PLA2G5: variants seen among roughly 807,000 people sequenced by gnomAD.
PLA2G5 encodes the protein Ca2+-dependent phospholipase A2.
In PLA2G5, 12 loss-of-function variants were observed where a neutral mutation model predicts 15.9. That is an observed-to-expected ratio of 0.76 (90% CI 0.48 to 1.23). The LOEUF (loss-of-function observed/expected upper bound fraction) is 1.23, where lower values mean the gene tolerates loss of function less well. Among genes scored for constraint, PLA2G5 ranks in the 50% most tolerant of loss-of-function variants. The pLI is 0.00. For synonymous variants in PLA2G5, 71 were observed against 71.4 expected (o/e 0.99, Z 0.03); for missense variants, 169 against 177.1 (o/e 0.95, Z 0.26).
chr1:20,074,177 T>C (rs933953768), intron 1 of PLA2G5, among the ~76,000 whole-genome samples: 1 of 152,112 alleles, frequency 6.6e-6, no homozygotes, highest in Admixed American at 6.5e-5. Context: ...ATGCAAAAGC[T>C]GTTGTTGGAA....
chr1:20,068,625 A>G (rs2015178092), upstream of PLA2G5, among the ~76,000 whole-genome samples: 1 of 151,688 alleles, frequency 6.6e-6, no homozygotes, highest in Non-Finnish European at 1.5e-5. Flanking sequence ...CTAATTTTAT[A>G]TTTTTAGTAG....
At chr1:20,070,659 G>C (rs571827421) in intron 1 of PLA2G5, among the ~76,000 whole-genome samples, 194 bp downstream of exon 1, 1 of 152,152 alleles carries the variant, frequency 6.6e-6, no homozygotes, top group Non-Finnish European at 1.5e-5. Flanking sequence ...CCTGGAGAGC[G>C]GGCTTTTAAG....
At chr1:20,068,784 A>C (rs1407487166), upstream of PLA2G5, 2 of 375,434 alleles carry the variant, frequency 5.3e-6, no homozygotes, top group Non-Finnish European at 9.5e-6. Flanking sequence ...GCCATAAATA[A>C]AAGACAACTG....
intron 1 of PLA2G5, among the ~76,000 whole-genome samples, chr1:20,078,969 G>A (rs1028499481): frequency 6.6e-6 from 1 of 152,016 alleles, no homozygotes; most frequent in African/African-American, 2.4e-5. Flanking sequence ...AAATTAGCCA[G>A]GCATGGTGGT....
intron 2 of PLA2G5, 84 bp from the exon 3 acceptor site, chr1:20,085,999 G>A: frequency 7.0e-7 from 1 of 1,435,110 alleles, no homozygotes; most frequent in Non-Finnish European, 9.7e-7. Flanking sequence ...CTGGGTGGGA[G>A]AAAGGGTAGG....
chr1:20,086,264 G>C, intron 3 of PLA2G5, 37 bp downstream of exon 3: 1 of 1,602,450 alleles, frequency 6.2e-7, no homozygotes. Context: ...TAGGCTCCAG[G>C]CTCTGCACCC....
chr1:20,084,925 G>C, intron 2 of PLA2G5, 55 bp downstream of exon 2: 1 of 1,279,686 alleles, frequency 7.8e-7, no homozygotes, highest in South Asian at 1.2e-5. Context: ...GGAGTAACAG[G>C]GTGGTGAAAA....
At chr1:20,036,046 A>G (rs1371485701) in intron 1 of PLA2G5, among the ~76,000 whole-genome samples, 1 of 152,170 alleles carries the variant, frequency 6.6e-6, no homozygotes, top group African/African-American at 2.4e-5. Flanking sequence ...TGTTTTGTTT[A>G]AAGAGACTAA....
At chr1:20,031,930 G>T (rs2012972479) in intron 1 of PLA2G5, among the ~76,000 whole-genome samples, 3 of 152,090 alleles carry the variant, frequency 2.0e-5, no homozygotes, top group African/African-American at 7.2e-5. Flanking sequence ...TGTCTTATTA[G>T]ATGTTGAGTG....
At chr1:20,086,417 C>T (rs558244650) in intron 3 of PLA2G5, among the ~76,000 whole-genome samples, 190 bp downstream of exon 3, 50 of 152,286 alleles carry the variant, frequency 3.3e-4, no homozygotes, top group African/African-American at 1.2e-3. Flanking sequence ...TCAACTGTGG[C>T]GTAACAAGTG....
intron 1 of PLA2G5, among the ~76,000 whole-genome samples, chr1:20,031,800 T>C (rs889750054): frequency 3.3e-5 from 5 of 152,056 alleles, no homozygotes; most frequent in Admixed American, 3.3e-4. Context: ...ACCCATCCAC[T>C]TAGATTGGAG....
At chr1:20,081,122 C>T (rs897010900) in intron 1 of PLA2G5, among the ~76,000 whole-genome samples, 4 of 151,874 alleles carry the variant, frequency 2.6e-5, no homozygotes, top group Non-Finnish European at 5.9e-5. Context: ...ATGGGCTGTC[C>T]GTCTCTATTC....
rs11573261 is a variant in PLA2G5 at position 20,083,882 on chromosome 1, C to A, written c.-10-939C>A. On this transcript the variant is annotated intron_variant, in intron 1 of 4. Coordinates refer to ENST00000375108, the MANE Select transcript of PLA2G5 (RefSeq NM_000929.3). ...AATGAGAACAGTAATACCTACCCTG[C>A]AGCACTCTCGTGAGCCCCCAGGGTT... Among the ~76,000 whole-genome samples, 33 of 151,902 alleles carry A rather than the reference C, an allele frequency of 2.2e-4. 1 individual carries two copies. Among genetic ancestry groups the A allele is most frequent in the African/African-American group, 7.3e-4 (30 of 41,186 alleles).
At chr1:20,053,025 A>G (rs1001219533) in intron 1 of PLA2G5, among the ~76,000 whole-genome samples, 2 of 152,060 alleles carry the variant, frequency 1.3e-5, no homozygotes, top group Non-Finnish European at 2.9e-5. Context: ...ACCTATGTTG[A>G]TTGATGTCTT....
intron 1 of PLA2G5, among the ~76,000 whole-genome samples, chr1:20,082,018 C>T (rs1397970070): frequency 6.6e-6 from 1 of 151,588 alleles, no homozygotes; most frequent in East Asian, 1.9e-4. Flanking sequence ...TGCCACTGCA[C>T]TCCAGCCTGG....
chr1:20,058,265 T>C (rs1289001614), intron 1 of PLA2G5, among the ~76,000 whole-genome samples: 1 of 152,224 alleles, frequency 6.6e-6, no homozygotes, highest in Non-Finnish European at 1.5e-5. Context: ...CTATTTCTCC[T>C]GCAGTCCTCT....
At chr1:20,080,728 G>C (rs1410675614) in intron 1 of PLA2G5, among the ~76,000 whole-genome samples, 2 of 151,928 alleles carry the variant, frequency 1.3e-5, no homozygotes, top group African/African-American at 4.9e-5. Context: ...GGAGGTGACA[G>C]AGAGGTCTTT....
chr1:20,056,737 G>A (rs2014451093), intron 1 of PLA2G5, among the ~76,000 whole-genome samples: 1 of 152,156 alleles, frequency 6.6e-6, no homozygotes, highest in Admixed American at 6.5e-5. Flanking sequence ...CCTAGAATGA[G>A]TTAGGGAGTA....
At chr1:20,069,391 G>T (rs1205149071), upstream of PLA2G5, among the ~76,000 whole-genome samples, 1 of 152,176 alleles carries the variant, frequency 6.6e-6, no homozygotes, top group Non-Finnish European at 1.5e-5. Context: ...ACCAGATTAA[G>T]TCTGGCCGTG....
Sources: allele counts gnomAD v4.1 joint callset (sites outside exome capture counted in the v4.1 genomes callset), GRCh38; gene constraint gnomAD v4.1.1; transcripts MANE v1.5; gene names NCBI Gene and HGNC (gene_info 2026-07-23, HGNC 2026-07-21).